CNR1: variants seen among roughly 807,000 people sequenced by gnomAD.
The protein encoded by CNR1 is cannabinoid receptor 1 (brain).
A neutral mutation model predicts 23.0 loss-of-function variants in CNR1; 10 were observed. That is an observed-to-expected ratio of 0.43 (90% CI 0.27 to 0.74). CNR1 has a LOEUF of 0.74. Among genes scored for constraint, CNR1 ranks in the 30% least tolerant of loss-of-function variants. CNR1 has a pLI of 0.19. For missense variants in CNR1, 422 were observed against 618.8 expected, an observed-to-expected ratio of 0.68 and a Z score of 3.37; for synonymous variants, 271 against 255.2, an observed-to-expected ratio of 1.06 and a Z score of -0.59.
rs1778213785 is a variant in CNR1 at position 88,163,526 on chromosome 6, GGTTAAT to G, written c.-64+2271_-64+2276del. 2.0e-5 allele frequency among the ~76,000 whole-genome samples: 3 copies of G among 152,284 alleles called. No homozygotes were observed. In the South Asian group the frequency reaches 6.2e-4, roughly 32 times the overall value. ...AAGAAGCCTGTCTAAATTTCCCCGT[GGTTAAT>G]GTTAATTTTGAGTCAAAGCAAAGAA... On this transcript the variant is annotated intron_variant, in intron 1 of 1. Transcript: ENST00000369501.
chr6:88,145,049 C>A lies in CNR1; in HGVS notation c.226G>T (p.Val76Leu), dbSNP rs746763924. 5.6e-6 allele frequency: 9 copies of A among 1,614,048 alleles called. No individual in the cohort carries two copies. Among genetic ancestry groups the A allele is most frequent in the South Asian group, 5.5e-5 (5 of 91,082 alleles). ...TTGTTGTAAAATTCTGTAATGTTCA[C>A]CTGGTCTGCTGGGACTAGCTGGGGG... Reference protein sequence around the residue: ...DNPQLVPADQVNITEFYNKSL... With the variant: ...DNPQLVPADQLNITEFYNKSL... The change falls in exon 2 of 2, where the codon GTG becomes TTG. Residue 76 changes from valine (V) to leucine (L), a missense_variant. Around this residue, in one of 4 missense-constraint regions of CNR1, gnomAD observed 120 missense variants for 117.6 expected, o/e 1.02. Coordinates refer to ENST00000369501, the MANE Select transcript of CNR1 (RefSeq NM_016083.6).
At chr6:88,157,432 T>A (rs1252319492) in intron 1 of CNR1, among the ~76,000 whole-genome samples, 1 of 152,316 alleles carries the variant, frequency 6.6e-6, no homozygotes, top group East Asian at 1.9e-4. Context: ...ATTTTACAAC[T>A]GAATTAATTA....
In CNR1 at chr6:88,145,195, T is replaced by C. The variant is rs768086951; in HGVS notation, c.80A>G (p.Asp27Gly). Reference sequence around the variant, plus strand: ...ACCTTTGATGTCTTCGTACTGAATGTCATTTGAGCCCACGTACAGGAGGTC... The same window carrying C: ...ACCTTTGATGTCTTCGTACTGAATGCCATTTGAGCCCACGTACAGGAGGTC... ...TTDLLYVGSN[D>G]IQYEDIKGDM... Residue 27 changes from aspartate (D) to glycine (G), a missense_variant, in exon 2 of 2, where the codon GAC becomes GGC. This residue lies in a region of CNR1 where 120 missense variants were observed against 117.6 expected (regional missense o/e 1.02). Coordinates refer to ENST00000369501, the MANE Select transcript of CNR1 (RefSeq NM_016083.6). 1.1e-5 allele frequency: 18 copies of C among 1,614,068 alleles called. No homozygotes were observed. In the East Asian group the frequency reaches 3.1e-4, roughly 28 times the overall value.
chr6:88,144,185 C>T lies in CNR1; in HGVS notation c.1090G>A (p.Val364Met), dbSNP rs143530073. 21 of 1,613,378 alleles carry T rather than the reference C, an allele frequency of 1.3e-5. No individual in the cohort carries two copies. The highest frequency in any genetic ancestry group is 1.7e-5 in the Admixed American group (1 of 59,984). Residue 364 changes from valine to methionine, a missense_variant, in exon 2 of 2, where the codon GTG becomes ATG. Val to Met is a conservative substitution (Grantham distance 21). Coordinates refer to ENST00000369501, the MANE Select transcript of CNR1 (RefSeq NM_016083.6). The surrounding 1 kb of genome is among the most constrained non-coding windows in gnomAD (Gnocchi z 7.8). ...ICWGPLLAIM[V>M]YDVFGKMNKL... ...TTCATCTTCCCAAAGACATCATACA[C>T]CATGATTGCAAGCAGAGGGCCCCAG...
chr6:88,166,834 C>G (rs532880761), upstream of CNR1, among the ~76,000 whole-genome samples: 8 of 151,968 alleles, frequency 5.3e-5, no homozygotes, highest in South Asian at 4.1e-4. Context: ...CGAGGCGCGC[C>G]GGGCCCGGGG....
intron 1 of CNR1, among the ~76,000 whole-genome samples, chr6:88,150,346 T>TTTTTTTTC (rs1777451790): frequency 6.6e-6 from 1 of 152,040 alleles, no homozygotes; most frequent in African/African-American, 2.4e-5. Flanking sequence ...AGCCACCTAG[T>TTTTTTTTC]TTTTTTTCTC....
In CNR1 at chr6:88,145,493, G is replaced by A. The variant is rs563137056; in HGVS notation, c.-63-156C>T. ...TCTCATCAGATTCAGTCAACAAAAT[G>A]AGTAAGTCACTCAGAGAAAAGCTCC... On this transcript the variant is annotated intron_variant, in intron 1 of 1. Coordinates refer to ENST00000369501, the MANE Select transcript of CNR1 (RefSeq NM_016083.6). 9.5e-5 allele frequency: 50 copies of A among 525,900 alleles called. No individual in the cohort carries two copies. The Admixed American group carries it at 1.6e-3, about 17-fold the overall frequency. 32.6% of individuals were successfully genotyped at this position (525,900 alleles called of 1,614,324 possible). A position where few individuals can be genotyped will look rare whatever the true frequency, so the allele number is the denominator to read the frequency against.
At chr6:88,155,606 C>T (rs1389575934) in intron 1 of CNR1, among the ~76,000 whole-genome samples, 1 of 152,144 alleles carries the variant, frequency 6.6e-6, no homozygotes, top group Non-Finnish European at 1.5e-5. Flanking sequence ...AGAAGGTACA[C>T]GTTATCTAAT....
At chr6:88,150,332 T>A (rs1004246519) in intron 1 of CNR1, among the ~76,000 whole-genome samples, 3 of 152,176 alleles carry the variant, frequency 2.0e-5, no homozygotes, top group African/African-American at 7.2e-5. Flanking sequence ...CATCCCTATA[T>A]CCCAGCCACC....
In CNR1 at chr6:88,145,321, A is replaced by G. The variant is rs750430909; in HGVS notation, c.-47T>C. On this transcript the variant is annotated 5_prime_UTR_variant, in exon 2 of 2. Coordinates refer to ENST00000369501, the MANE Select transcript of CNR1 (RefSeq NM_016083.6). Reference sequence around the variant, plus strand: ...TGAGCTCAAAATGACTGAGAAAGTGACCCACAGGGGGCAATCCTAAGAGGA... The same window carrying G: ...TGAGCTCAAAATGACTGAGAAAGTGGCCCACAGGGGGCAATCCTAAGAGGA... 6.7e-7 allele frequency: 1 copy of G among 1,494,730 alleles called. No homozygotes were observed. Among genetic ancestry groups the G allele is most frequent in the Non-Finnish European group, 9.1e-7 (1 of 1,093,718 alleles). 92.6% of individuals were successfully genotyped at this position (1,494,730 alleles called of 1,614,324 possible). A position where few individuals can be genotyped will look rare whatever the true frequency, so the allele number is the denominator to read the frequency against.
intron 1 of CNR1, among the ~76,000 whole-genome samples, chr6:88,151,160 G>A (rs1369113871): frequency 1.3e-5 from 2 of 152,154 alleles, no homozygotes; most frequent in Non-Finnish European, 2.9e-5. Flanking sequence ...AAGGCACAGA[G>A]GGTAAGTAAG....
At chr6:88,162,968 C>G (rs1307715250) in intron 1 of CNR1, 1 of 152,182 alleles carries the variant, frequency 6.6e-6, no homozygotes, top group African/African-American at 2.4e-5. Flanking sequence ...CTGGTGGAGG[C>G]ATGGCATCCT....
chr6:88,156,574 C>T (rs993088743), intron 1 of CNR1, among the ~76,000 whole-genome samples: 1 of 152,204 alleles, frequency 6.6e-6, no homozygotes, highest in African/African-American at 2.4e-5. Flanking sequence ...TCTTTCTCTA[C>T]ATGCTTTGAG....
At chr6:88,157,433 G>A (rs1451391083) in intron 1 of CNR1, among the ~76,000 whole-genome samples, 1 of 152,062 alleles carries the variant, frequency 6.6e-6, no homozygotes, top group East Asian at 1.9e-4. Flanking sequence ...TTTTACAACT[G>A]AATTAATTAA....
intron 1 of CNR1, chr6:88,147,947 A>G (rs1198746492): frequency 6.6e-6 from 1 of 152,330 alleles, no homozygotes; most frequent in Non-Finnish European, 1.5e-5. Flanking sequence ...CTTGTCCTTA[A>G]TACTCTCCAC....
Position 88,145,269 on chromosome 6 carries a change from CT to C in CNR1, c.5del (p.Lys2SerfsTer4). 6.2e-7 allele frequency: 1 copy of C among 1,605,666 alleles called. No individual in the cohort carries two copies. Among genetic ancestry groups the C allele is most frequent in the South Asian group, 1.1e-5 (1 of 90,048 alleles). On this transcript the variant is annotated frameshift_variant, in exon 2 of 2. Coordinates refer to ENST00000369501, the MANE Select transcript of CNR1 (RefSeq NM_016083.6). LOFTEE classifies it high-confidence loss of function. Reference sequence around the variant, plus strand: ...TATCTGCAAGGCCATCTAGGATCGACTTCATAACCTCAGTCTTTGATTAGGC... The same window carrying C: ...TATCTGCAAGGCCATCTAGGATCGACTCATAACCTCAGTCTTTGATTAGGC... Reference protein sequence around the residue: MKSILDGLADTT... With the variant: MXSILDGLADTT...
chr6:88,159,469 A>C (rs1777971897), intron 1 of CNR1, among the ~76,000 whole-genome samples: 1 of 152,238 alleles, frequency 6.6e-6, no homozygotes, highest in African/African-American at 2.4e-5. Context: ...AGGCACTTAA[A>C]TATATGACTC....
chr6:88,164,340 C>CT (rs1431418499), intron 1 of CNR1: 3 of 152,372 alleles, frequency 2.0e-5, no homozygotes, highest in African/African-American at 7.2e-5. Flanking sequence ...TCCTGATAAG[C>CT]TAAAATGGAT....
In CNR1 at chr6:88,165,817, G is replaced by A. The variant is rs1778342544; in HGVS notation, c.-78C>T. 1 of 152,488 alleles carries A rather than the reference G, an allele frequency of 6.6e-6. No individual in the cohort carries two copies. The highest frequency in any genetic ancestry group is 1.5e-5 in the Non-Finnish European group (1 of 68,182). 9.4% of individuals were successfully genotyped at this position (152,488 alleles called of 1,614,324 possible). A position where few individuals can be genotyped will look rare whatever the true frequency, so the allele number is the denominator to read the frequency against. ...CCAGGTCTTACCCTTCGCATCCCCTGGTCCTCGGGACAGAAGCTCCCTTGG... is the reference window on the plus strand; with the variant it reads ...CCAGGTCTTACCCTTCGCATCCCCTAGTCCTCGGGACAGAAGCTCCCTTGG... On this transcript the variant is annotated 5_prime_UTR_variant, in exon 1 of 2. Coordinates refer to ENST00000369501, the MANE Select transcript of CNR1 (RefSeq NM_016083.6).
Sources: gnomAD v4.1 joint callset for allele counts (sites outside exome capture counted in the v4.1 genomes callset) on GRCh38, gnomAD v4.1.1 for gene constraint, gnomAD v4.1.1 regional missense constraint, Gnocchi (gnomAD v3.1) non-coding constraint, MANE v1.5 for transcripts, NCBI Gene and HGNC (gene_info 2026-07-23, HGNC 2026-07-21) for gene names.